CFHR4: variants seen among roughly 807,000 people sequenced by gnomAD.
CFHR4 encodes complement factor H related 4, also known as complement factor H-related protein 4.
CFHR4 carries 64 observed loss-of-function variants against 69.3 expected under a neutral mutation model. That is an observed-to-expected ratio of 0.92 (90% CI 0.76 to 1.14). CFHR4 has a LOEUF of 1.14. Among genes scored for constraint, CFHR4 ranks in the 50% most tolerant of loss-of-function variants. The pLI, the probability that CFHR4 is intolerant of heterozygous loss-of-function variation, is 0.00. For synonymous variants in CFHR4, 244 were observed against 237.0 expected (o/e 1.03, Z -0.27); for missense variants, 636 against 684.9 (o/e 0.93, Z 0.80).
chr1:196,894,393 T>C (rs1310806555), intron 1 of CFHR4, among the ~76,000 whole-genome samples: 1 of 151,528 alleles, frequency 6.6e-6, no homozygotes, highest in Non-Finnish European at 1.5e-5. Context: ...TTTACCTTTA[T>C]TGAGGTCATT....
At chr1:196,901,033 A>C (rs2124947435) in intron 1 of CFHR4, among the ~76,000 whole-genome samples, 1 of 151,692 alleles carries the variant, frequency 6.6e-6, no homozygotes. Flanking sequence ...AAAAAGAAAT[A>C]GATTGATGAA....
intron 1 of CFHR4, among the ~76,000 whole-genome samples, chr1:196,891,743 A>C (rs1212291666): frequency 6.6e-6 from 1 of 151,498 alleles, no homozygotes; most frequent in African/African-American, 2.4e-5. Flanking sequence ...AAGAAACATA[A>C]ATTATTTGCT....
At chr1:196,891,814 C>T (rs556999207) in intron 1 of CFHR4, among the ~76,000 whole-genome samples, 6 of 151,032 alleles carry the variant, frequency 4.0e-5, no homozygotes, top group African/African-American at 1.5e-4. Context: ...TATAAATATA[C>T]ATATAGAATG....
intron 5 of CFHR4, among the ~76,000 whole-genome samples, chr1:196,909,085 A>G (rs1002131037): frequency 1.3e-5 from 2 of 151,598 alleles, no homozygotes; most frequent in African/African-American, 4.9e-5. Flanking sequence ...ATCTTTGAAC[A>G]TGATTTCATA....
chr1:196,888,400 A>G (rs780128659), intron 1 of CFHR4, among the ~76,000 whole-genome samples, 192 bp downstream of exon 1: 35 of 151,528 alleles, frequency 2.3e-4, no homozygotes, highest in Non-Finnish European at 4.4e-4. Flanking sequence ...TTAAAGAAAA[A>G]ATGAATAATA....
chr1:196,906,761 C>T, intron 3 of CFHR4, 100 bp from the exon 4 acceptor site: 1 of 1,261,394 alleles, frequency 7.9e-7, no homozygotes, highest in East Asian at 2.5e-5. Context: ...TTTATTAGCA[C>T]ACACTGATTG....
intron 1 of CFHR4, among the ~76,000 whole-genome samples, chr1:196,900,053 T>A (rs1657514349): frequency 6.6e-6 from 1 of 151,470 alleles, no homozygotes; most frequent in South Asian, 2.1e-4. Flanking sequence ...CAAAGCTAAA[T>A]CTAAAAAAAT....
In CFHR4 at chr1:196,913,214, A is replaced by G. The variant is rs7522952; in HGVS notation, c.1180+292A>G. Among the ~76,000 whole-genome samples, 12,868 of 151,554 alleles carry G rather than the reference A, an allele frequency of 0.085. 788 individuals carry two copies. The highest frequency in any genetic ancestry group is 0.14 in the South Asian group (659 of 4,812). On this transcript the variant is annotated intron_variant, in intron 7 of 9. Transcript: ENST00000608469. Reference sequence around the variant, plus strand: ...CATGAGAATAACAGCAAAATGTGTTAGTTGCCATTAAAAACTTCGTTGTTT... The same window carrying G: ...CATGAGAATAACAGCAAAATGTGTTGGTTGCCATTAAAAACTTCGTTGTTT...
chr1:196,888,062 T>G lies in CFHR4; in HGVS notation c.-89T>G. 7.3e-7 allele frequency: 1 copy of G among 1,363,462 alleles called. No individual in the cohort carries two copies. The highest frequency in any genetic ancestry group is 1.0e-6 in the Non-Finnish European group (1 of 959,842). The allele number at this position is 1,363,462 out of a possible 1,614,324, so 84.5% of individuals were successfully genotyped here. A position where few individuals can be genotyped will look rare whatever the true frequency, so the allele number is the denominator to read the frequency against. The stretch of plus-strand genomic sequence containing the variant: ...TGTGGTAGTGCACTTAAATTCAGAA[T>G]CACACTTGGTAACTAATAATGAAAG... On this transcript the variant is annotated 5_prime_UTR_variant, in exon 1 of 10. Coordinates refer to ENST00000608469, the MANE Select transcript of CFHR4 (RefSeq NM_001201550.3).
Position 196,899,181 on chromosome 1 carries a change from T to G in CFHR4, c.59-3237T>G, listed in dbSNP as rs140291250. ...TGTTTTATTTCTATGATGGTTCCTT[T>G]GCCTTTTTCAAGATTTTTTCTGTCT... On this transcript the variant is annotated intron_variant, in intron 1 of 9. Transcript: ENST00000608469. 3.4e-4 allele frequency among the ~76,000 whole-genome samples: 52 copies of G among 151,732 alleles called. 1 individual carries two copies. In the East Asian group the frequency reaches 8.9e-3, roughly 26 times the overall value.
At chr1:196,893,260 T>C (rs1657126009) in intron 1 of CFHR4, among the ~76,000 whole-genome samples, 1 of 151,724 alleles carries the variant, frequency 6.6e-6, no homozygotes, top group South Asian at 2.1e-4. Flanking sequence ...CTTGAGATAT[T>C]TCAAAACACT....
At position 196,906,993 on chromosome 1, in the gene CFHR4, T is replaced by C. The variant is rs760633052; in HGVS notation, c.572T>C (p.Ile191Thr). 20 of 1,612,296 alleles carry C rather than the reference T, an allele frequency of 1.2e-5. No individual in the cohort carries two copies. Among genetic ancestry groups the C allele is most frequent in the Admixed American group, 6.7e-5 (4 of 59,828 alleles). The part of the protein sequence containing the change: ...ESSYGNTTDS[I>T]VCGEDGWSHL... ...AGTTATGGAAACACCACAGATTCCA[T>C]AGTGTGTGGTGAAGATGGCTGGTCC... Residue 191 changes from isoleucine to threonine, a missense_variant, in exon 4 of 10, where the codon ATA (isoleucine) becomes ACA (threonine). This residue lies in a region of CFHR4 where 529 missense variants were observed against 533.2 expected (regional missense o/e 0.99). Coordinates refer to ENST00000608469, the MANE Select transcript of CFHR4 (RefSeq NM_001201550.3).
chr1:196,918,247 TA>T lies in CFHR4; in HGVS notation c.1580del (p.Asn527ThrfsTer4). On this transcript the variant is annotated frameshift_variant, in exon 10 of 10. Coordinates refer to ENST00000608469, the MANE Select transcript of CFHR4 (RefSeq NM_001201550.3). LOFTEE classifies it low-confidence loss of function (END_TRUNC). ...IITEENMNKNNIQLKGKSDIK... is the reference protein window; with the variant it reads ...IITEENMNKNXIQLKGKSDIK... ...TAACTGAAGAAAACATGAATAAAAATAACATACAGTTAAAAGGAAAAAGTGA... is the reference window on the plus strand; with the variant it reads ...TAACTGAAGAAAACATGAATAAAAATACATACAGTTAAAAGGAAAAAGTGA... 6.2e-7 allele frequency: 1 copy of T among 1,605,924 alleles called. No individual in the cohort carries two copies. The highest frequency in any genetic ancestry group is 1.7e-4 in the Middle Eastern group (1 of 6,036).
At chr1:196,891,000 C>T (rs1043035221) in intron 1 of CFHR4, among the ~76,000 whole-genome samples, 1 of 151,312 alleles carries the variant, frequency 6.6e-6, no homozygotes, top group Non-Finnish European at 1.5e-5. Context: ...GGCTGTAATC[C>T]CAGCAATTTG....
Position 196,905,259 on chromosome 1 carries a change from A to G in CFHR4, c.408A>G (p.Gln136=). The G allele has an allele frequency of 6.2e-7, 1 of 1,611,504 alleles. No homozygotes were observed. Among genetic ancestry groups the G allele is most frequent in the Non-Finnish European group, 8.5e-7 (1 of 1,178,808 alleles). ...CTTCAGGATCAATTACATGTTTGCA[A>G]AATGGATGGTCAACACAACCAATTT... ...GNSSGSITCL[Q]NGWSTQPICI... is the part of the protein sequence containing the mutation. Residue 136 remains glutamine, a synonymous_variant, in exon 3 of 10, where the codon CAA becomes CAG. Transcript: ENST00000608469.
chr1:196,898,671 A>G (rs908118092), intron 1 of CFHR4, among the ~76,000 whole-genome samples: 2 of 151,600 alleles, frequency 1.3e-5, no homozygotes, highest in African/African-American at 4.9e-5. Flanking sequence ...TAAAACAATA[A>G]ACCTTTATTT....
chr1:196,915,340 T>A (rs1658543531), intron 9 of CFHR4, among the ~76,000 whole-genome samples: 1 of 151,294 alleles, frequency 6.6e-6, no homozygotes, highest in Non-Finnish European at 1.5e-5. Context: ...AGTTTCTTTT[T>A]TAAAACAGGA....
Position 196,915,117 on chromosome 1 carries a change from T to C in CFHR4, c.1519T>C (p.Ser507Pro), listed in dbSNP as rs757903118. 5 of 1,612,538 alleles carry C rather than the reference T, an allele frequency of 3.1e-6. No individual in the cohort carries two copies. The African/African-American group carries it at 5.4e-5, about 17-fold the overall frequency. The change falls in exon 9 of 10, where the codon TCG (serine) becomes CCG (proline). Residue 507 changes from serine (S) to proline (P), a missense_variant. Ser to Pro is a moderately conservative substitution (Grantham distance 74, BLOSUM62 -1). Transcript: ENST00000608469. ...NYVTCSNGEW[S>P]EPPRCIHPCI... ...TGTAACATGTAGTAATGGAGAGTGG[T>C]CGGAACCACCAAGATGCATACGTAA...
intron 6 of CFHR4, among the ~76,000 whole-genome samples, chr1:196,911,139 C>A (rs573485648): frequency 2.0e-5 from 3 of 151,624 alleles, no homozygotes; most frequent in Admixed American, 1.3e-4. Flanking sequence ...AAGATCTACA[C>A]CTTTAACTGG....
Sources: allele counts gnomAD v4.1 joint callset (sites outside exome capture counted in the v4.1 genomes callset), GRCh38; gene constraint gnomAD v4.1.1; regional missense constraint gnomAD v4.1.1; transcripts MANE v1.5; gene names NCBI Gene and HGNC (gene_info 2026-07-23, HGNC 2026-07-21).